The following CASD1 variants were observed in gnomAD, a reference collection of about 807,000 sequenced individuals.
The protein encoded by CASD1 is N-acetylneuraminate (7)9-O-acetyltransferase.
A neutral mutation model predicts 100.0 loss-of-function variants in CASD1; 41 were observed. The observed-to-expected ratio is 0.41, with a 90% CI of 0.32 to 0.53. The LOEUF (loss-of-function observed/expected upper bound fraction) is 0.53, where lower values mean the gene tolerates loss of function less well. Ranked by LOEUF, CASD1 falls within the 20% of genes least tolerant of loss-of-function variation. The pLI is 0.25. For synonymous variants in CASD1, 321 were observed against 315.6 expected (o/e 1.02, Z -0.18); for missense variants, 774 against 948.7 (o/e 0.82, Z 2.42).
the CASD1 span, among the ~76,000 whole-genome samples, chr7:94,594,268 G>A: frequency 6.6e-6 from 1 of 152,104 alleles, no homozygotes; most frequent in African/African-American, 2.4e-5. Context: ...ACTTTACAAT[G>A]TGATTTCCAG....
chr7:94,547,436 C>T (rs1795734100), intron 13 of CASD1, among the ~76,000 whole-genome samples: 2 of 151,868 alleles, frequency 1.3e-5, no homozygotes, highest in African/African-American at 4.8e-5. Flanking sequence ...TTTGATCAAT[C>T]AAACATTTAT....
chr7:94,510,436 T>C (rs577665921), intron 1 of CASD1, among the ~76,000 whole-genome samples: 86 of 152,166 alleles, frequency 5.7e-4, no homozygotes, highest in Non-Finnish European at 1.1e-3. Flanking sequence ...CTGGTGGTTC[T>C]GGGCGCCCCG....
chr7:94,572,350 T>C, the CASD1 span, among the ~76,000 whole-genome samples: 2 of 152,228 alleles, frequency 1.3e-5, no homozygotes, highest in African/African-American at 4.8e-5. Context: ...TATTTGAGTC[T>C]CTGAATCTCA....
At chr7:94,549,376 A>G (rs908050831) in intron 13 of CASD1, among the ~76,000 whole-genome samples, 157 bp from the exon 14 acceptor site, 1 of 152,028 alleles carries the variant, frequency 6.6e-6, no homozygotes, top group African/African-American at 2.4e-5. Flanking sequence ...ATACATTTCA[A>G]ATGAAGTGAT....
chr7:94,594,068 C>T, the CASD1 span, among the ~76,000 whole-genome samples: 3,431 of 152,082 alleles, frequency 0.023, 229 homozygotes, highest in East Asian at 0.17. Context: ...TCTCTCTTGA[C>T]GTTCCTTTGA....
At chr7:94,546,141 G>T (rs1795666589) in intron 12 of CASD1, among the ~76,000 whole-genome samples, 1 of 151,742 alleles carries the variant, frequency 6.6e-6, no homozygotes, top group South Asian at 2.1e-4. Context: ...ATATTTCTTT[G>T]CAAAAGTCTT....
intron 8 of CASD1, among the ~76,000 whole-genome samples, chr7:94,536,135 C>T (rs749114406): frequency 6.6e-6 from 1 of 151,934 alleles, no homozygotes; most frequent in Non-Finnish European, 1.5e-5. Flanking sequence ...CCCAGCTACT[C>T]GGGAGGCTGA....
the CASD1 span, among the ~76,000 whole-genome samples, chr7:94,607,413 T>C: frequency 6.6e-6 from 1 of 152,068 alleles, no homozygotes; most frequent in Admixed American, 6.6e-5. Context: ...CAACAAAATA[T>C]TAGCAAATCA....
intron 12 of CASD1, among the ~76,000 whole-genome samples, 161 bp downstream of exon 12, chr7:94,545,862 A>G (rs1795652198): frequency 6.6e-6 from 1 of 152,076 alleles, no homozygotes; most frequent in South Asian, 2.1e-4. Context: ...GATATTTCTA[A>G]AATGTTACAG....
At chr7:94,609,823 C>T in the CASD1 span, among the ~76,000 whole-genome samples, 3 of 152,164 alleles carry the variant, frequency 2.0e-5, no homozygotes, top group African/African-American at 7.2e-5. Flanking sequence ...AAATAACATA[C>T]TTTTACCATA....
Position 94,544,519 on chromosome 7 carries a change from A to G in CASD1, c.1465A>G (p.Arg489Gly), listed in dbSNP as rs926404605. 3 of 1,612,468 alleles carry G rather than the reference A, an allele frequency of 1.9e-6. No individual in the cohort carries two copies. Among genetic ancestry groups the G allele is most frequent in the African/African-American group, 1.3e-5 (1 of 74,858 alleles). Residue 489 changes from arginine (R) to glycine (G), a missense_variant, in exon 11 of 18, where the codon AGA becomes GGA. By Grantham distance (125) the Arg-to-Gly change is moderately radical. Transcript: ENST00000297273. ...GATAAAAGGAGATTTTGGAATCTAT[A>G]GAGTATGTCAGGTAGGAATGCACTG... ...FWIKGDFGIY[R>G]VCQVLFRLNF...
the CASD1 span, among the ~76,000 whole-genome samples, chr7:94,611,472 G>C: frequency 6.7e-6 from 1 of 150,160 alleles, no homozygotes; most frequent in African/African-American, 2.5e-5. Flanking sequence ...TTCCTTAGTG[G>C]CTGCCTAGGG....
chr7:94,633,166 T>C, the CASD1 span, among the ~76,000 whole-genome samples: 1 of 152,008 alleles, frequency 6.6e-6, no homozygotes, highest in African/African-American at 2.4e-5. Flanking sequence ...CCATTACCTC[T>C]GCAAACATAC....
intron 5 of CASD1, among the ~76,000 whole-genome samples, chr7:94,531,632 G>T (rs911356207): frequency 2.0e-5 from 3 of 151,932 alleles, no homozygotes; most frequent in African/African-American, 7.3e-5. Context: ...ACTGGAAATG[G>T]TCATATATCT....
chr7:94,513,059 G>C (rs927761102), intron 1 of CASD1, among the ~76,000 whole-genome samples: 1 of 152,126 alleles, frequency 6.6e-6, no homozygotes, highest in Non-Finnish European at 1.5e-5. Flanking sequence ...AATTCAGGCC[G>C]GGCGCAGTGG....
rs1272191111 is a variant in CASD1, at chr7:94,518,102, G to T, written c.231-101G>T. The T allele has an allele frequency of 4.3e-6, 5 of 1,150,976 alleles. No homozygotes were observed. In the African/African-American group the frequency reaches 6.3e-5, roughly 15 times the overall value. 71.3% of individuals were successfully genotyped at this position (1,150,976 alleles called of 1,614,324 possible). ...TGCTTATAAAGCAATATAATGGTAT[G>T]TGTAACAATCTGGATCAACTTTCTT... is the stretch of plus-strand genomic sequence containing the variant. On this transcript the variant is annotated intron_variant, in intron 2 of 17. Coordinates refer to ENST00000297273, the MANE Select transcript of CASD1 (RefSeq NM_022900.5).
At chr7:94,615,365 A>AATAGATAG in the CASD1 span, among the ~76,000 whole-genome samples, 14 of 142,310 alleles carry the variant, frequency 9.8e-5, no homozygotes, top group South Asian at 2.4e-4. Flanking sequence ...TCTCAAAATA[A>AATAGATAG]ATAGATAGAT....
At chr7:94,522,753 G>A (rs978591798) in intron 3 of CASD1, among the ~76,000 whole-genome samples, 3 of 151,990 alleles carry the variant, frequency 2.0e-5, no homozygotes, top group Non-Finnish European at 4.4e-5. Context: ...TACCTCCCGG[G>A]TTCACGCCAT....
At chr7:94,558,551 A>G (rs1295053092), downstream of CASD1, among the ~76,000 whole-genome samples, 1 of 152,148 alleles carries the variant, frequency 6.6e-6, no homozygotes, top group Admixed American at 6.6e-5. Flanking sequence ...CCATCTTACC[A>G]CTTTGAATAT....
Sources: allele counts gnomAD v4.1 joint callset (sites outside exome capture counted in the v4.1 genomes callset), GRCh38; gene constraint gnomAD v4.1.1; transcripts MANE v1.5; gene names NCBI Gene and HGNC (gene_info 2026-07-23, HGNC 2026-07-21).